The following ZNF704 variants were observed in gnomAD, a reference collection of about 807,000 sequenced individuals.
ZNF704 encodes glucocorticoid induced gene 1.
A neutral mutation model predicts 44.7 loss-of-function variants in ZNF704; 10 were observed. That is an observed-to-expected ratio of 0.22 (90% CI 0.14 to 0.38). The LOEUF (loss-of-function observed/expected upper bound fraction) is 0.38, where lower values mean the gene tolerates loss of function less well. ZNF704 is among the 10% of genes least tolerant of loss of function. The probability of loss-of-function intolerance (pLI) is 1.00; values close to 1 mark genes in which losing one functional copy is unlikely to be tolerated. For missense variants in ZNF704, 390 were observed against 545.5 expected (o/e 0.71, Z 2.84); for synonymous variants, 211 against 207.6 (o/e 1.02, Z -0.14).
chr8:80,665,867 C>T (rs1442685742), intron 5 of ZNF704, among the ~76,000 whole-genome samples: 2 of 151,544 alleles, frequency 1.3e-5, no homozygotes, highest in African/African-American at 4.8e-5. Context: ...CTGAGACCTC[C>T]TCAGCCATAC....
At chr8:80,643,422 G>A (rs1817776192) in intron 7 of ZNF704, among the ~76,000 whole-genome samples, 1 of 150,776 alleles carries the variant, frequency 6.6e-6, no homozygotes, top group African/African-American at 2.4e-5. Flanking sequence ...GGAGGCTGAG[G>A]CAGGAGAACT....
intron 1 of ZNF704, among the ~76,000 whole-genome samples, chr8:80,826,049 T>C (rs1044808257): frequency 2.7e-5 from 4 of 149,348 alleles, no homozygotes; most frequent in African/African-American, 1.0e-4. Flanking sequence ...ATCCAAAAGC[T>C]AGCAGAAGGC....
intron 1 of ZNF704, among the ~76,000 whole-genome samples, chr8:80,834,603 T>C (rs1230659669): frequency 6.6e-6 from 1 of 152,178 alleles, no homozygotes; most frequent in African/African-American, 2.4e-5. Context: ...CCATGGTGGT[T>C]TGCTGTACCT....
At chr8:80,743,909 C>T (rs1187480061) in intron 2 of ZNF704, among the ~76,000 whole-genome samples, 2 of 152,170 alleles carry the variant, frequency 1.3e-5, no homozygotes, top group African/African-American at 4.8e-5. Context: ...CAAAACTTCC[C>T]TTTCCAATGA....
In ZNF704 at chr8:80,630,153, C is replaced by T. The variant is rs1360698619; in HGVS notation, c.*11213G>A. On this transcript the variant is annotated 3_prime_UTR_variant, in exon 9 of 9. Transcript: ENST00000327835. ...GAAAAAAATTTACTTGGATTCGATACAAAATACATGCTACTCTTTGAAAAT... is the reference window on the plus strand; with the variant it reads ...GAAAAAAATTTACTTGGATTCGATATAAAATACATGCTACTCTTTGAAAAT... 6.6e-6 allele frequency: 1 copy of T among 152,196 alleles called. No homozygotes were observed. Among genetic ancestry groups the T allele is most frequent in the Non-Finnish European group, 1.5e-5 (1 of 68,036 alleles). 9.4% of individuals were successfully genotyped at this position (152,196 alleles called of 1,614,324 possible).
chr8:80,821,353 T>G, intron 2 of ZNF704, 21 bp downstream of exon 2: 10 of 1,609,598 alleles, frequency 6.2e-6, no homozygotes, highest in Non-Finnish European at 7.7e-6. Context: ...CAGACACATG[T>G]GAGATTTAAT....
intron 2 of ZNF704, among the ~76,000 whole-genome samples, chr8:80,813,149 G>A (rs989293597): frequency 2.0e-5 from 3 of 152,118 alleles, no homozygotes; most frequent in Admixed American, 6.5e-5. Context: ...CAGTGCTACC[G>A]GTCCACCTGA....
At chr8:80,881,694 G>A in the ZNF704 span, among the ~76,000 whole-genome samples, 184 of 152,240 alleles carry the variant, frequency 1.2e-3, 4 homozygotes, top group South Asian at 0.036. Flanking sequence ...TTGGGAGGCC[G>A]AGGTGGGCAG....
chr8:80,727,272 C>G (rs955539044), intron 2 of ZNF704, among the ~76,000 whole-genome samples: 1 of 152,146 alleles, frequency 6.6e-6, no homozygotes, highest in Non-Finnish European at 1.5e-5. Flanking sequence ...GCCAGACTTA[C>G]GATCGGCTCA....
intron 7 of ZNF704, among the ~76,000 whole-genome samples, chr8:80,647,110 G>A (rs895740400): frequency 3.3e-5 from 5 of 152,238 alleles, no homozygotes; most frequent in Non-Finnish European, 5.9e-5. Flanking sequence ...ATATAGCTGT[G>A]AACAAAACAA....
chr8:80,745,574 A>T (rs1301633020), intron 2 of ZNF704, among the ~76,000 whole-genome samples: 4 of 152,206 alleles, frequency 2.6e-5, no homozygotes, highest in Non-Finnish European at 4.4e-5. Flanking sequence ...TAAGTGATAT[A>T]CCTTAAACTT....
At chr8:80,766,310 C>T (rs2131725301) in intron 2 of ZNF704, among the ~76,000 whole-genome samples, 1 of 152,218 alleles carries the variant, frequency 6.6e-6, no homozygotes, top group African/African-American at 2.4e-5. Context: ...AACATGAACT[C>T]TCAATGGCCA....
intron 2 of ZNF704, among the ~76,000 whole-genome samples, chr8:80,809,889 AT>A (rs1227023131): frequency 6.6e-5 from 10 of 151,806 alleles, no homozygotes; most frequent in Admixed American, 5.9e-4. Flanking sequence ...CTGAATTCTT[AT>A]TTTTTTTATT....
chr8:80,757,325 G>T (rs1466352896), intron 2 of ZNF704, among the ~76,000 whole-genome samples: 1 of 151,612 alleles, frequency 6.6e-6, no homozygotes, highest in Non-Finnish European at 1.5e-5. Context: ...TCAGCAAAAA[G>T]GTTTAAAATG....
intron 2 of ZNF704, among the ~76,000 whole-genome samples, chr8:80,724,115 A>G (rs1158290966): frequency 6.6e-6 from 1 of 152,234 alleles, no homozygotes; most frequent in East Asian, 1.9e-4. Flanking sequence ...GTCATCATCA[A>G]TAATTATCTG....
chr8:80,860,306 CTGTGT>C (rs1327967710), intron 1 of ZNF704, among the ~76,000 whole-genome samples: 8 of 152,162 alleles, frequency 5.3e-5, no homozygotes, highest in African/African-American at 1.9e-4. Context: ...ACCGCTGTGT[CTGTGT>C]TGAAATGGGG....
chr8:80,816,376 G>A (rs895708909), intron 2 of ZNF704, among the ~76,000 whole-genome samples: 3 of 152,122 alleles, frequency 2.0e-5, no homozygotes, highest in African/African-American at 4.8e-5. Flanking sequence ...TTCCAAACTC[G>A]AATGTCTATT....
At chr8:80,671,151 T>C (rs910840619) in intron 4 of ZNF704, among the ~76,000 whole-genome samples, 1 of 152,052 alleles carries the variant, frequency 6.6e-6, no homozygotes, top group Non-Finnish European at 1.5e-5. Context: ...TTTTCAGAGA[T>C]GGGTCCCACT....
At chr8:80,695,329 G>A (rs765369277) in intron 2 of ZNF704, among the ~76,000 whole-genome samples, 2 of 152,246 alleles carry the variant, frequency 1.3e-5, no homozygotes, top group Non-Finnish European at 2.9e-5. Flanking sequence ...TGAGCTGGCT[G>A]CTGCCCACAT....
Sources: gnomAD v4.1 joint callset for allele counts (sites outside exome capture counted in the v4.1 genomes callset) on GRCh38, gnomAD v4.1.1 for gene constraint, MANE v1.5 for transcripts, NCBI Gene and HGNC (gene_info 2026-07-23, HGNC 2026-07-21) for gene names.